The following OLFM2 variants were observed in gnomAD, a reference collection of about 807,000 sequenced individuals.
OLFM2 encodes the protein olfactomedin 2.
OLFM2 carries 20 observed loss-of-function variants against 43.9 expected under a neutral mutation model. The ratio of observed to expected loss-of-function variants is 0.46; its 90% CI spans 0.32 to 0.66. The LOEUF (loss-of-function observed/expected upper bound fraction) is 0.66. Ranked by LOEUF, OLFM2 falls within the 30% of genes least tolerant of loss-of-function variation. OLFM2 has a pLI of 0.04. For synonymous variants in OLFM2, 268 were observed against 278.6 expected, an observed-to-expected ratio of 0.96 and a Z score of 0.38; for missense variants, 416 against 643.6, an observed-to-expected ratio of 0.65 and a Z score of 3.83.
chr19:9,857,036 A>T lies in OLFM2; in HGVS notation c.581-123T>A, dbSNP rs917704116. 1.8e-4 allele frequency: 163 copies of T among 914,016 alleles called. No homozygotes were observed. The highest frequency in any genetic ancestry group is 2.4e-4 in the Non-Finnish European group (142 of 580,428). The allele number at this position is 914,016 out of a possible 1,614,324, so 56.6% of individuals were successfully genotyped here. On this transcript the variant is annotated intron_variant, in intron 4 of 5. Coordinates refer to ENST00000264833, the MANE Select transcript of OLFM2 (RefSeq NM_058164.4). This position sits in a 1 kb window ranked among gnomAD's most constrained non-coding sequence, Gnocchi z 5.7. ...GACCAGGGATGAGGGAAGACTCAAA[A>T]ATCTGGTCCCAATATGTTGTTCAGT...
At chr19:9,881,519 G>A (rs139046303) in intron 1 of OLFM2, among the ~76,000 whole-genome samples, 166 of 152,182 alleles carry the variant, frequency 1.1e-3, no homozygotes, top group Non-Finnish European at 2.1e-3. Context: ...TCTGGAGGCC[G>A]GAAGTCAGAA....
Position 9,857,060 on chromosome 19 carries a change from G to A in OLFM2, c.581-147C>T. 1 of 832,518 alleles carries A rather than the reference G, an allele frequency of 1.2e-6. No individual in the cohort carries two copies. The highest frequency in any genetic ancestry group is 2.0e-6 in the Non-Finnish European group (1 of 511,082). 51.6% of individuals were successfully genotyped at this position (832,518 alleles called of 1,614,324 possible). A position where few individuals can be genotyped will look rare whatever the true frequency, so the allele number is the denominator to read the frequency against. On this transcript the variant is annotated intron_variant, in intron 4 of 5. Transcript: ENST00000264833. This position sits in a 1 kb window ranked among gnomAD's most constrained non-coding sequence, Gnocchi z 5.7. The stretch of plus-strand genomic sequence containing the variant: ...AAATCTGGTCCCAATATGTTGTTCA[G>A]TTGTGAGTGAGGGGTTAGAGGCCAA...
At chr19:9,898,893 C>T (rs1295922165) in intron 1 of OLFM2, among the ~76,000 whole-genome samples, 1 of 152,174 alleles carries the variant, frequency 6.6e-6, no homozygotes, top group African/African-American at 2.4e-5. Flanking sequence ...ACTCTCACTT[C>T]CGGGAATCCA....
chr19:9,914,887 C>T (rs1568385181), intron 1 of OLFM2, among the ~76,000 whole-genome samples: 1 of 152,080 alleles, frequency 6.6e-6, no homozygotes, highest in Non-Finnish European at 1.5e-5. Flanking sequence ...CGGCCGCCGC[C>T]GTCTGGAGGC....
At position 9,925,839 on chromosome 19, in the gene OLFM2, G is replaced by A. The variant is rs1387315836; in HGVS notation, c.63+10465C>T. 5.3e-5 allele frequency among the ~76,000 whole-genome samples: 8 copies of A among 151,342 alleles called. No individual in the cohort carries two copies. The East Asian group carries it at 1.6e-3, about 30-fold the overall frequency. ...GCAGTATTATTCAAAAAAGCCCAAA[G>A]GTGAAAACAACCAGGCCGGGCGCGG... On this transcript the variant is annotated intron_variant, in intron 1 of 5. Coordinates refer to ENST00000264833, the MANE Select transcript of OLFM2 (RefSeq NM_058164.4).
At position 9,891,314 on chromosome 19, in the gene OLFM2, GA is replaced by G. The variant is rs56109769; in HGVS notation, c.64-30521del. ...GGCAACAGAGCGAGACTCCATCTCG[GA>G]AAAAAAAAAAAAAAAAGTGCATGCT... On this transcript the variant is annotated intron_variant, in intron 1 of 5. Coordinates refer to ENST00000264833, the MANE Select transcript of OLFM2 (RefSeq NM_058164.4). Among the ~76,000 whole-genome samples the G allele has an allele frequency of 4.3e-3, 542 of 125,572 alleles. 1 individual carries two copies. The highest frequency in any genetic ancestry group is 0.027 in the East Asian group (111 of 4,102). 82.4% of individuals were successfully genotyped at this position (125,572 alleles called of 152,430 possible).
At chr19:9,859,680 A>G (rs2046352096) in intron 2 of OLFM2, among the ~76,000 whole-genome samples, 1 of 152,220 alleles carries the variant, frequency 6.6e-6, no homozygotes, top group South Asian at 2.1e-4. Context: ...ACCCTCCCCA[A>G]GGGGCACAGA....
chr19:9,901,575 C>T (rs1156798132), intron 1 of OLFM2, among the ~76,000 whole-genome samples: 3 of 152,212 alleles, frequency 2.0e-5, no homozygotes, highest in African/African-American at 7.2e-5. Context: ...CTGAACTTCC[C>T]TCTGTACTCC....
At chr19:9,882,335 G>A (rs567912016) in intron 1 of OLFM2, among the ~76,000 whole-genome samples, 1 of 147,320 alleles carries the variant, frequency 6.8e-6, no homozygotes, top group African/African-American at 2.5e-5. Flanking sequence ...TCAGGAGATC[G>A]AGACCATCCT....
chr19:9,858,292 G>A (rs2046339776), intron 2 of OLFM2: 1 of 268,040 alleles, frequency 3.7e-6, no homozygotes, highest in Non-Finnish European at 6.8e-6. Flanking sequence ...CCTTCCTTCT[G>A]CAGGGTCTTT....
At chr19:9,916,078 C>T (rs928961461) in intron 1 of OLFM2, among the ~76,000 whole-genome samples, 2 of 152,004 alleles carry the variant, frequency 1.3e-5, no homozygotes, top group Non-Finnish European at 2.9e-5. Flanking sequence ...TATTTGAGGC[C>T]GGGCACAGTG....
intron 1 of OLFM2, among the ~76,000 whole-genome samples, chr19:9,933,766 A>G: frequency 6.7e-6 from 1 of 148,678 alleles, no homozygotes; most frequent in East Asian, 2.0e-4. Context: ...TATGTTGGCC[A>G]GGCTGGTCTC....
chr19:9,890,114 G>A (rs991731598), intron 1 of OLFM2, among the ~76,000 whole-genome samples: 1 of 152,050 alleles, frequency 6.6e-6, no homozygotes, highest in African/African-American at 2.4e-5. Flanking sequence ...TTCCCTCTGG[G>A]CTCCCCTCTT....
chr19:9,918,346 G>A (rs891060455), intron 1 of OLFM2, among the ~76,000 whole-genome samples: 8 of 151,918 alleles, frequency 5.3e-5, no homozygotes, highest in African/African-American at 9.7e-5. Flanking sequence ...GCACACCACC[G>A]TGCCCAGCTA....
At chr19:9,919,954 T>C (rs111628692) in intron 1 of OLFM2, among the ~76,000 whole-genome samples, 11,666 of 150,456 alleles carry the variant, frequency 0.078, 1,201 homozygotes, top group African/African-American at 0.24. Context: ...GCCACCATGC[T>C]CAGCTAATTT....
At chr19:9,876,915 G>A (rs941963466) in intron 1 of OLFM2, among the ~76,000 whole-genome samples, 2 of 152,134 alleles carry the variant, frequency 1.3e-5, no homozygotes, top group African/African-American at 4.8e-5. Flanking sequence ...GTTTATTAGA[G>A]AAGTAAAGAA....
chr19:9,905,074 C>T (rs1292197733), intron 1 of OLFM2, among the ~76,000 whole-genome samples: 1 of 152,042 alleles, frequency 6.6e-6, no homozygotes, highest in African/African-American at 2.4e-5. Flanking sequence ...GTAATCCCAG[C>T]ACTTTGGGAG....
intron 1 of OLFM2, among the ~76,000 whole-genome samples, chr19:9,910,704 T>A (rs1273848815): frequency 1.3e-5 from 2 of 152,032 alleles, no homozygotes; most frequent in African/African-American, 2.4e-5. Flanking sequence ...AATTGGTGAA[T>A]GCATGGATAG....
At chr19:9,924,424 A>G (rs2086439677) in intron 1 of OLFM2, among the ~76,000 whole-genome samples, 1 of 150,296 alleles carries the variant, frequency 6.7e-6, no homozygotes, top group African/African-American at 2.4e-5. Context: ...AAAAAAAAAA[A>G]AAAAAAAAAT....
Sources: gnomAD v4.1 joint callset for allele counts (sites outside exome capture counted in the v4.1 genomes callset) on GRCh38, gnomAD v4.1.1 for gene constraint, Gnocchi (gnomAD v3.1) non-coding constraint, MANE v1.5 for transcripts, NCBI Gene and HGNC (gene_info 2026-07-23, HGNC 2026-07-21) for gene names.